P2RY14: variants seen among roughly 807,000 people sequenced by gnomAD.
The protein encoded by P2RY14 is purinergic receptor P2Y14.
In P2RY14, 2 loss-of-function variants were observed where a neutral mutation model predicts 0.9. That is an observed-to-expected ratio of 2.16 (90% CI 0.88 to 6.79). The LOEUF (loss-of-function observed/expected upper bound fraction) is 6.79. Among genes scored for constraint, P2RY14 ranks in the 30% most tolerant of loss-of-function variants. The probability of loss-of-function intolerance (pLI) is 0.05; values close to 1 mark genes in which losing one functional copy is unlikely to be tolerated. For synonymous variants in P2RY14, 158 were observed against 147.2 expected (o/e 1.07, Z -0.53); for missense variants, 378 against 400.1 (o/e 0.94, Z 0.47).
chr3:151,216,863 A>G (rs188675727), intron 2 of P2RY14, among the ~76,000 whole-genome samples: 1 of 152,218 alleles, frequency 6.6e-6, no homozygotes, highest in East Asian at 1.9e-4. Context: ...TTGTCTGGTA[A>G]CTGTCTCTTG....
chr3:151,247,623 AG>A (rs1177982109), intron 1 of P2RY14, among the ~76,000 whole-genome samples: 1 of 74,328 alleles, frequency 1.3e-5, no homozygotes, highest in Non-Finnish European at 2.8e-5. Flanking sequence ...GGGGTCGGGG[AG>A]GGGGGAGGGA....
chr3:151,247,968 T>C (rs1409779649), intron 1 of P2RY14, among the ~76,000 whole-genome samples: 10 of 87,920 alleles, frequency 1.1e-4, no homozygotes, highest in East Asian at 4.4e-4. Flanking sequence ...TCTTCTTTTT[T>C]TTTTTTTTTT....
intron 1 of P2RY14, among the ~76,000 whole-genome samples, chr3:151,266,576 G>A (rs1490625064): frequency 6.6e-6 from 1 of 152,172 alleles, no homozygotes; most frequent in Non-Finnish European, 1.5e-5. Context: ...AGAGATGGGG[G>A]TTGCTGTCTT....
At chr3:151,275,638 G>A (rs967967006) in intron 1 of P2RY14, among the ~76,000 whole-genome samples, 9 of 152,108 alleles carry the variant, frequency 5.9e-5, no homozygotes, top group African/African-American at 2.2e-4. Context: ...TATAAAAATA[G>A]CATTCATTAA....
chr3:151,272,654 TG>T (rs1231612337), intron 1 of P2RY14, among the ~76,000 whole-genome samples: 3 of 152,318 alleles, frequency 2.0e-5, no homozygotes, highest in African/African-American at 7.2e-5. Context: ...AACCAAATCC[TG>T]GTTAATTAAG....
chr3:151,246,417 A>C (rs1168423338), intron 1 of P2RY14, among the ~76,000 whole-genome samples: 1 of 152,034 alleles, frequency 6.6e-6, no homozygotes, highest in Non-Finnish European at 1.5e-5. Context: ...TGGTACCAAA[A>C]CAGAGATATA....
At chr3:151,234,718 G>C (rs539062433) in intron 1 of P2RY14, among the ~76,000 whole-genome samples, 2 of 152,326 alleles carry the variant, frequency 1.3e-5, no homozygotes, top group South Asian at 4.1e-4. Flanking sequence ...TATCCAACCT[G>C]TATGTTCTTA....
rs149914374 is a variant in P2RY14, at chr3:151,264,751, C to T, written c.-133+13536G>A. 5.1e-3 allele frequency among the ~76,000 whole-genome samples: 772 copies of T among 152,262 alleles called. 12 individuals carry two copies. The highest frequency in any genetic ancestry group is 0.017 in the African/African-American group (720 of 41,572). On this transcript the variant is annotated intron_variant, in intron 1 of 2. Transcript: ENST00000309170. ...AATTAAGTCTTGCTACTCCCTTGCT[C>T]AGGCCCACCCAGTGCGTGTGTGTGT... is the stretch of plus-strand genomic sequence containing the variant.
intron 1 of P2RY14, among the ~76,000 whole-genome samples, chr3:151,237,410 C>T (rs1327633918): frequency 2.4e-5 from 3 of 123,182 alleles, no homozygotes; most frequent in Non-Finnish European, 4.8e-5. Context: ...AGTGTGGTGG[C>T]ACGATCTTGG....
intron 1 of P2RY14, among the ~76,000 whole-genome samples, chr3:151,220,057 A>G (rs925550421): frequency 6.7e-6 from 1 of 149,534 alleles, no homozygotes; most frequent in Non-Finnish European, 1.5e-5. Context: ...CCAGATAATT[A>G]TTTATTTTTG....
At chr3:151,250,075 C>T (rs3846072) in intron 1 of P2RY14, among the ~76,000 whole-genome samples, 69,374 of 151,914 alleles carry the variant, frequency 0.46, 16,726 homozygotes, top group Middle Eastern at 0.61. Flanking sequence ...CAGTCGGTAC[C>T]TTTATCTCCT....
intron 1 of P2RY14, among the ~76,000 whole-genome samples, chr3:151,271,156 T>C (rs2149554283): frequency 1.3e-5 from 2 of 152,282 alleles, no homozygotes; most frequent in South Asian, 4.1e-4. Flanking sequence ...TAAATAATTT[T>C]CATTACTCTA....
chr3:151,247,325 G>A (rs1479907041), intron 1 of P2RY14, among the ~76,000 whole-genome samples: 1 of 152,064 alleles, frequency 6.6e-6, no homozygotes, highest in African/African-American at 2.4e-5. Context: ...TATGTTTATT[G>A]TGGCATTATT....
intron 1 of P2RY14, among the ~76,000 whole-genome samples, chr3:151,252,597 G>A: frequency 6.6e-6 from 1 of 152,080 alleles, no homozygotes; most frequent in East Asian, 1.9e-4. Flanking sequence ...TTATACTTGT[G>A]TTTCGTAAAT....
intron 1 of P2RY14, chr3:151,270,211 G>GTGTGTGTA (rs1740657458): frequency 6.5e-6 from 1 of 154,412 alleles, no homozygotes; most frequent in African/African-American, 2.5e-5. Context: ...GTGTGTGTGT[G>GTGTGTGTA]TGTGTGTGTG....
chr3:151,227,711 C>T (rs1385335209), intron 1 of P2RY14, among the ~76,000 whole-genome samples: 2 of 152,136 alleles, frequency 1.3e-5, no homozygotes, highest in Non-Finnish European at 2.9e-5. Flanking sequence ...AAATGGCCAC[C>T]CACTGTTAGC....
intron 1 of P2RY14, among the ~76,000 whole-genome samples, chr3:151,242,188 G>A (rs1156429777): frequency 2.0e-5 from 3 of 152,344 alleles, no homozygotes; most frequent in Middle Eastern, 3.4e-3. Context: ...GCAGCAACAC[G>A]GCTGGGGGAG....
At chr3:151,264,872 T>C (rs1577172514) in intron 1 of P2RY14, among the ~76,000 whole-genome samples, 2 of 152,356 alleles carry the variant, frequency 1.3e-5, no homozygotes, top group East Asian at 3.9e-4. Flanking sequence ...CCTGGTTCTC[T>C]GACTGTACCT....
At chr3:151,244,786 A>G (rs186148755) in intron 1 of P2RY14, among the ~76,000 whole-genome samples, 11 of 152,346 alleles carry the variant, frequency 7.2e-5, no homozygotes, top group Admixed American at 2.6e-4. Flanking sequence ...ACTCAAGGAA[A>G]TAGAGTCACA....
Sources: gnomAD v4.1 joint callset for allele counts (sites outside exome capture counted in the v4.1 genomes callset) on GRCh38, gnomAD v4.1.1 for gene constraint, MANE v1.5 for transcripts, NCBI Gene and HGNC (gene_info 2026-07-23, HGNC 2026-07-21) for gene names.